The following DOK6 variants were observed in gnomAD, a reference collection of about 807,000 sequenced individuals.
The protein encoded by DOK6 is downstream of tyrosine kinase 6.
A neutral mutation model predicts 44.0 loss-of-function variants in DOK6; 22 were observed. The ratio of observed to expected loss-of-function variants is 0.50; its 90% CI spans 0.36 to 0.71. DOK6 has a LOEUF of 0.71. Among genes scored for constraint, DOK6 ranks in the 30% least tolerant of loss-of-function variants. The pLI, the probability that DOK6 is intolerant of heterozygous loss-of-function variation, is 0.00. For missense variants in DOK6, 340 were observed against 416.4 expected, an observed-to-expected ratio of 0.82 and a Z score of 1.60; for synonymous variants, 166 against 145.5, an observed-to-expected ratio of 1.14 and a Z score of -1.01.
intron 5 of DOK6, among the ~76,000 whole-genome samples, chr18:69,714,349 C>T (rs1174948593): frequency 6.6e-6 from 1 of 152,182 alleles, no homozygotes; most frequent in South Asian, 2.1e-4. Context: ...AAGGCAGAAG[C>T]GGGGCCCTGG....
At chr18:69,625,094 T>C (rs934717368) in intron 3 of DOK6, among the ~76,000 whole-genome samples, 3 of 152,188 alleles carry the variant, frequency 2.0e-5, no homozygotes, top group African/African-American at 7.2e-5. Context: ...TACTGTTTTC[T>C]GGCATCTTCC....
At chr18:69,604,237 T>C (rs1983943644) in intron 3 of DOK6, among the ~76,000 whole-genome samples, 1 of 152,190 alleles carries the variant, frequency 6.6e-6, no homozygotes, top group South Asian at 2.1e-4. Context: ...CAAGGTTCTG[T>C]TTTTTAAAAA....
intron 2 of DOK6, among the ~76,000 whole-genome samples, chr18:69,597,112 CATTTAT>C (rs1235567674): frequency 6.6e-6 from 1 of 151,680 alleles, no homozygotes; most frequent in Admixed American, 6.6e-5. Flanking sequence ...GGGTTTGTAA[CATTTAT>C]ATTAATAGAT....
Position 69,818,174 on chromosome 18 carries a change from C to T in DOK6, c.857-23070C>T, listed in dbSNP as rs138907257. On this transcript the variant is annotated intron_variant, in intron 7 of 7. Coordinates refer to ENST00000382713, the MANE Select transcript of DOK6 (RefSeq NM_152721.6). ...CAAGATACAAAGCATCCCTGGCCTG[C>T]GAACAGGGGGCATTTTGGCAGCAGG... Among the ~76,000 whole-genome samples the T allele has an allele frequency of 8.8e-4, 134 of 152,260 alleles. 3 individuals carry two copies. Among genetic ancestry groups the T allele is most frequent in the African/African-American group, 3.0e-3 (123 of 41,560 alleles).
chr18:69,724,148 A>C (rs1168437892), intron 5 of DOK6, among the ~76,000 whole-genome samples: 1 of 152,236 alleles, frequency 6.6e-6, no homozygotes, highest in African/African-American at 2.4e-5. Context: ...TGGGAACTGA[A>C]ATGTGTAATC....
chr18:69,841,215 C>A (rs747342171), intron 7 of DOK6, 29 bp from the exon 8 acceptor site: 3 of 1,613,728 alleles, frequency 1.9e-6, no homozygotes, highest in Non-Finnish European at 2.5e-6. Flanking sequence ...ATCTGTTTCT[C>A]AGTAGAGCTC....
At position 69,569,885 on chromosome 18, in the gene DOK6, A is replaced by G. The variant is rs187627217; in HGVS notation, c.174+5291A>G. Among the ~76,000 whole-genome samples the G allele has an allele frequency of 4.1e-3, 620 of 152,248 alleles. 6 individuals carry two copies. Among genetic ancestry groups the G allele is most frequent in the African/African-American group, 0.014 (596 of 41,568 alleles). ...GTGGCCATGAAAAAAGAACAAGATC[A>G]TGTATAACATGGATGGAACTGGAGG... On this transcript the variant is annotated intron_variant, in intron 2 of 7. Transcript: ENST00000382713.
At chr18:69,618,457 T>C in intron 3 of DOK6, 1 of 158,902 alleles carries the variant, frequency 6.3e-6, no homozygotes, top group Non-Finnish European at 1.4e-5. Context: ...GGTTTAAGAG[T>C]TTTGTATTAG....
Position 69,746,790 on chromosome 18 carries a change from C to G in DOK6, c.738+7687C>G, listed in dbSNP as rs1173076148. ...TCCCTTATTGAAAATTAAGCCAAGT[C>G]TGTGATAAGCCAATTGGTGTTCTTC... On this transcript the variant is annotated intron_variant, in intron 6 of 7. Transcript: ENST00000382713. Among the ~76,000 whole-genome samples, 4 of 152,158 alleles carry G rather than the reference C, an allele frequency of 2.6e-5. No homozygotes were observed. The East Asian group carries it at 7.7e-4, about 29-fold the overall frequency.
intron 2 of DOK6, among the ~76,000 whole-genome samples, chr18:69,579,360 A>G (rs1005474682): frequency 1.3e-5 from 2 of 152,206 alleles, no homozygotes; most frequent in Non-Finnish European, 2.9e-5. Context: ...TTTGGATATC[A>G]AGTATACTAT....
chr18:69,475,940 C>T (rs949543506), intron 1 of DOK6, among the ~76,000 whole-genome samples: 2 of 152,090 alleles, frequency 1.3e-5, no homozygotes, highest in Non-Finnish European at 2.9e-5. Flanking sequence ...AAGTTTGTTA[C>T]GTGGGTATAC....
At chr18:69,653,930 G>C (rs1478975614) in intron 3 of DOK6, among the ~76,000 whole-genome samples, 1 of 152,056 alleles carries the variant, frequency 6.6e-6, no homozygotes, top group East Asian at 1.9e-4. Flanking sequence ...TAATAGAAAT[G>C]GGGCCACAGA....
intron 7 of DOK6, among the ~76,000 whole-genome samples, chr18:69,814,807 G>T (rs571750324): frequency 6.6e-6 from 1 of 151,998 alleles, no homozygotes; most frequent in Admixed American, 6.6e-5. Flanking sequence ...CCATGGTTCG[G>T]GCACTTTCCA....
intron 3 of DOK6, among the ~76,000 whole-genome samples, chr18:69,649,035 A>G (rs1314881176): frequency 1.3e-5 from 2 of 152,154 alleles, no homozygotes; most frequent in Non-Finnish European, 2.9e-5. Flanking sequence ...TTGCATCCTG[A>G]TCATTTTGTA....
intron 4 of DOK6, among the ~76,000 whole-genome samples, chr18:69,681,608 A>C (rs1386749351): frequency 6.6e-6 from 1 of 152,204 alleles, no homozygotes; most frequent in Non-Finnish European, 1.5e-5. Context: ...ACACTGCCAC[A>C]GGAAAGTGCA....
intron 2 of DOK6, among the ~76,000 whole-genome samples, chr18:69,593,284 A>T (rs12961700): frequency 0.37 from 56,196 of 151,820 alleles, 12,707 homozygotes; most frequent in Non-Finnish European, 0.5. Flanking sequence ...AAGCAAGAGG[A>T]TTGCTTGAAC....
At chr18:69,753,283 T>G (rs1426734754) in intron 6 of DOK6, among the ~76,000 whole-genome samples, 1 of 152,156 alleles carries the variant, frequency 6.6e-6, no homozygotes, top group Non-Finnish European at 1.5e-5. Context: ...ACAAGAGCCC[T>G]CTAAATCTAA....
chr18:69,493,339 G>T (rs1053092901), intron 1 of DOK6, among the ~76,000 whole-genome samples: 7 of 152,184 alleles, frequency 4.6e-5, no homozygotes, highest in African/African-American at 1.7e-4. Context: ...AATGCACCAT[G>T]TTTAGTGGCC....
chr18:69,695,081 G>A (rs558357274), intron 4 of DOK6, among the ~76,000 whole-genome samples: 2 of 152,168 alleles, frequency 1.3e-5, no homozygotes, highest in Admixed American at 6.5e-5. Flanking sequence ...CTGGTACATG[G>A]CATCATTTTC....
Sources: gnomAD v4.1 joint callset for allele counts (sites outside exome capture counted in the v4.1 genomes callset) on GRCh38, gnomAD v4.1.1 for gene constraint, MANE v1.5 for transcripts, NCBI Gene and HGNC (gene_info 2026-07-23, HGNC 2026-07-21) for gene names.